KDM4B: variants seen among roughly 807,000 people sequenced by gnomAD.
KDM4B encodes the protein lysine-specific demethylase 4B.
A neutral mutation model predicts 125.2 loss-of-function variants in KDM4B; 32 were observed. The observed-to-expected ratio is 0.26, with a 90% confidence interval of 0.19 to 0.34. KDM4B has a LOEUF of 0.34. KDM4B is among the 10% of genes least tolerant of loss of function. KDM4B has a pLI of 1.00. For missense variants in KDM4B, 1,190 were observed against 1,577.7 expected (o/e 0.75, Z 4.16); for synonymous variants, 721 against 677.9 (o/e 1.06, Z -0.99).
chr19:5,008,096 G>A (rs2035616639), intron 1 of KDM4B, among the ~76,000 whole-genome samples: 1 of 152,170 alleles, frequency 6.6e-6, no homozygotes, highest in African/African-American at 2.4e-5. Context: ...GGCAACATAG[G>A]AAGATACTGT....
intron 9 of KDM4B, among the ~76,000 whole-genome samples, chr19:5,091,151 C>A (rs534764662): frequency 6.6e-6 from 1 of 152,266 alleles, no homozygotes; most frequent in African/African-American, 2.4e-5. Context: ...GCTCAGCACG[C>A]GGCCGGGCTG....
At position 5,081,533 on chromosome 19, in the gene KDM4B, A is replaced by T. The variant is rs1206888558; in HGVS notation, c.781-834A>T. On this transcript the variant is annotated intron_variant, in intron 8 of 22. Coordinates refer to ENST00000159111, the MANE Select transcript of KDM4B (RefSeq NM_015015.3). This position sits in a 1 kb window ranked among gnomAD's most constrained non-coding sequence, Gnocchi z 4.2. ...TGGGTCTGGGGTCATTGTGGGCCCC[A>T]CCCCAGCCACGCACGCCTCGGCTCC... Among the ~76,000 whole-genome samples the T allele has an allele frequency of 6.6e-6, 1 of 151,858 alleles. No individual in the cohort carries two copies. The highest frequency in any genetic ancestry group is 1.5e-5 in the Non-Finnish European group (1 of 67,944).
Position 5,141,700 on chromosome 19 carries a change from G to C in KDM4B, c.2551-2267G>C, listed in dbSNP as rs986792572. On this transcript the variant is annotated intron_variant, in intron 18 of 22. Transcript: ENST00000159111. This position sits in a 1 kb window ranked among gnomAD's most constrained non-coding sequence, Gnocchi z 6.4. The stretch of plus-strand genomic sequence containing the variant: ...GGCTCCAGGCAGTCCTGGTGAGTCA[G>C]GGGGCTCCGGCTGGCCGCCCGCCTG... 6.6e-6 allele frequency among the ~76,000 whole-genome samples: 1 copy of C among 152,166 alleles called. No individual in the cohort carries two copies. The highest frequency in any genetic ancestry group is 1.5e-5 in the Non-Finnish European group (1 of 68,026).
chr19:5,087,928 G>A (rs2038558267), intron 9 of KDM4B, among the ~76,000 whole-genome samples: 1 of 152,200 alleles, frequency 6.6e-6, no homozygotes, highest in Non-Finnish European at 1.5e-5. Context: ...GGTTTGGGGA[G>A]TGAGGGCACC....
Position 5,141,386 on chromosome 19 carries a change from T to C in KDM4B, c.2551-2581T>C, listed in dbSNP as rs1433203130. On this transcript the variant is annotated intron_variant, in intron 18 of 22. Coordinates refer to ENST00000159111, the MANE Select transcript of KDM4B (RefSeq NM_015015.3). This position sits in a 1 kb window ranked among gnomAD's most constrained non-coding sequence, Gnocchi z 6.4. ...TGATTCAGGTGGAGTGATGGTGCGA[T>C]GCGTGGTGCAGTGATAAGTCCTCCT... 1 of 152,244 alleles carries C rather than the reference T, an allele frequency of 6.6e-6. No homozygotes were observed. Among genetic ancestry groups the C allele is most frequent in the East Asian group, 1.9e-4 (1 of 5,200 alleles). The allele number at this position is 152,244 out of a possible 1,614,324, so 9.4% of individuals were successfully genotyped here. A position where few individuals can be genotyped will look rare whatever the true frequency, so the allele number is the denominator to read the frequency against.
chr19:5,032,832 C>T, intron 2 of KDM4B, 34 bp from the exon 3 acceptor site: 2 of 1,590,908 alleles, frequency 1.3e-6, no homozygotes, highest in South Asian at 1.1e-5. Flanking sequence ...CATGGCGGCA[C>T]CGCTGGTTCA....
chr19:5,096,389 C>T (rs895819912), intron 9 of KDM4B, among the ~76,000 whole-genome samples: 2 of 152,110 alleles, frequency 1.3e-5, no homozygotes, highest in Admixed American at 6.5e-5. Flanking sequence ...CTGGCCATGG[C>T]GTGGGGAATA....
At position 5,090,064 on chromosome 19, in the gene KDM4B, C is replaced by T. The variant is rs117687347; in HGVS notation, c.918+7560C>T. The stretch of plus-strand genomic sequence containing the variant: ...CTGTGAAGACCCCCAAAGCCTGGCC[C>T]CCTTCCTCCCTGCTGAGCAGGTGAG... On this transcript the variant is annotated intron_variant, in intron 9 of 22. Coordinates refer to ENST00000159111, the MANE Select transcript of KDM4B (RefSeq NM_015015.3). Among the ~76,000 whole-genome samples the T allele has an allele frequency of 1.6e-3, 250 of 152,252 alleles. 6 individuals are homozygous for T. The East Asian group carries it at 0.043, about 26-fold the overall frequency.
At chr19:5,007,670 C>T (rs10420726) in intron 1 of KDM4B, among the ~76,000 whole-genome samples, 30,478 of 151,564 alleles carry the variant, frequency 0.2, 3,373 homozygotes, top group Middle Eastern at 0.37. Context: ...CTCAGCCTCC[C>T]GAGTAGCTGG....
At chr19:5,002,922 G>T (rs1159881418) in intron 1 of KDM4B, among the ~76,000 whole-genome samples, 2 of 152,218 alleles carry the variant, frequency 1.3e-5, no homozygotes, top group Non-Finnish European at 2.9e-5. Context: ...CTGTACTCCA[G>T]CCTGAGTGAC....
chr19:5,119,338 C>T (rs1432440054), intron 10 of KDM4B: 2 of 726,510 alleles, frequency 2.8e-6, no homozygotes, highest in African/African-American at 1.8e-5. Context: ...GCCGCCCCGT[C>T]CCGCCCGTCA....
At chr19:5,040,307 T>A (rs1206753777) in intron 4 of KDM4B, among the ~76,000 whole-genome samples, 4 of 152,162 alleles carry the variant, frequency 2.6e-5, no homozygotes, top group African/African-American at 2.4e-5. Context: ...CTGTGACACC[T>A]GGGCTTGTGG....
chr19:5,124,374 T>C (rs2039414734), intron 11 of KDM4B, among the ~76,000 whole-genome samples: 1 of 152,126 alleles, frequency 6.6e-6, no homozygotes, highest in Non-Finnish European at 1.5e-5. Context: ...AGTGGCCCAG[T>C]CCTGGGAAGG....
In KDM4B at chr19:5,141,973, T is replaced by C. The variant is rs1172214823; in HGVS notation, c.2551-1994T>C. 6.6e-6 allele frequency among the ~76,000 whole-genome samples: 1 copy of C among 152,004 alleles called. No individual in the cohort carries two copies. Among genetic ancestry groups the C allele is most frequent in the Non-Finnish European group, 1.5e-5 (1 of 67,978 alleles). On this transcript the variant is annotated intron_variant, in intron 18 of 22. Coordinates refer to ENST00000159111, the MANE Select transcript of KDM4B (RefSeq NM_015015.3). The surrounding 1 kb of genome is among the most constrained non-coding windows in gnomAD (Gnocchi z 6.4). Reference sequence around the variant, plus strand: ...GCTCGGTCAGGAGGGAGGGGCTCTCTGCTCCTCAGGGGTTGGGGTTGTTTG... The same window carrying C: ...GCTCGGTCAGGAGGGAGGGGCTCTCCGCTCCTCAGGGGTTGGGGTTGTTTG...
chr19:5,046,688 G>A (rs35801018), intron 5 of KDM4B, among the ~76,000 whole-genome samples: 10,345 of 152,308 alleles, frequency 0.068, 448 homozygotes, highest in Middle Eastern at 0.13. Context: ...TGGGGATTCC[G>A]TCCTTGTTTG....
chr19:4,994,704 C>T (rs1056053026), intron 1 of KDM4B, among the ~76,000 whole-genome samples: 4 of 151,586 alleles, frequency 2.6e-5, no homozygotes, highest in African/African-American at 2.4e-5. Context: ...TATTTAATGC[C>T]GTTATTGATA....
At chr19:5,060,247 T>C (rs1202304073) in intron 6 of KDM4B, among the ~76,000 whole-genome samples, 1 of 152,028 alleles carries the variant, frequency 6.6e-6, no homozygotes, top group Non-Finnish European at 1.5e-5. Flanking sequence ...GAGACCAGCC[T>C]GGCTAATGTG....
At chr19:5,147,096 CGAG>C (rs1233876228) in intron 21 of KDM4B, among the ~76,000 whole-genome samples, 1 of 150,990 alleles carries the variant, frequency 6.6e-6, no homozygotes, top group African/African-American at 2.4e-5. Flanking sequence ...GACTGGACTC[CGAG>C]GAGGGGAGGT....
chr19:5,149,749 C>T (rs1250128046), intron 21 of KDM4B, among the ~76,000 whole-genome samples: 1 of 152,256 alleles, frequency 6.6e-6, no homozygotes, highest in Non-Finnish European at 1.5e-5. Flanking sequence ...CCCAGTGCCC[C>T]TCACCAGTCA....
Sources: allele counts gnomAD v4.1 joint callset (sites outside exome capture counted in the v4.1 genomes callset), GRCh38; gene constraint gnomAD v4.1.1; non-coding constraint Gnocchi (gnomAD v3.1); transcripts MANE v1.5; gene names NCBI Gene and HGNC (gene_info 2026-07-23, HGNC 2026-07-21).